SLC25A1: variants seen among roughly 807,000 people sequenced by gnomAD.
The protein encoded by SLC25A1 is tricarboxylate transport protein, mitochondrial.
A neutral mutation model predicts 38.1 loss-of-function variants in SLC25A1; 26 were observed. The ratio of observed to expected loss-of-function variants is 0.68; its 90% CI spans 0.50 to 0.95. The LOEUF (loss-of-function observed/expected upper bound fraction) is 0.95, where lower values mean the gene tolerates loss of function less well. SLC25A1 is among the 40% of genes least tolerant of loss of function. SLC25A1 has a pLI of 0.00. For missense variants in SLC25A1, 378 were observed against 426.6 expected (o/e 0.89, Z 1.00); for synonymous variants, 211 against 183.2 (o/e 1.15, Z -1.23).
chr22:19,178,304 C>G lies in SLC25A1; in HGVS notation c.95-64G>C. 2.0e-6 allele frequency: 3 copies of G among 1,531,502 alleles called. No homozygotes were observed. The highest frequency in any genetic ancestry group is 1.8e-6 in the Non-Finnish European group (2 of 1,139,224). The allele number at this position is 1,531,502 out of a possible 1,614,324, so 94.9% of individuals were successfully genotyped here. Reference sequence around the variant, plus strand: ...GGCCGCTGGCGCTCGGGCCCCTCCCCCGTCCCGGACTTCGGTCGGCGCGGC... The same window carrying G: ...GGCCGCTGGCGCTCGGGCCCCTCCCGCGTCCCGGACTTCGGTCGGCGCGGC... On this transcript the variant is annotated intron_variant, in intron 1 of 8. Transcript: ENST00000215882. The surrounding 1 kb of genome is among the most constrained non-coding windows in gnomAD (Gnocchi z 4.9).
Position 19,176,657 on chromosome 22 carries a change from G to C in SLC25A1, c.668C>G (p.Thr223Ser). 6.2e-7 allele frequency: 1 copy of C among 1,613,994 alleles called. No individual in the cohort carries two copies. Among genetic ancestry groups the C allele is most frequent in the Non-Finnish European group, 8.5e-7 (1 of 1,179,986 alleles). ...NPNKPMNPLI[T>S]GVFGAIAGAA... Reference sequence around the variant, plus strand: ...GCCTGCAATAGCTCCGAAGACCCCAGTGATCAGAGGGTTCATGGGCTTGTT... The same window carrying C: ...GCCTGCAATAGCTCCGAAGACCCCACTGATCAGAGGGTTCATGGGCTTGTT... Residue 223 changes from threonine to serine, a missense_variant, in exon 7 of 9, where the codon ACT becomes AGT. Physicochemically the swap from Thr to Ser is moderately conservative, Grantham distance 58. Transcript: ENST00000215882.
At position 19,178,124 on chromosome 22, in the gene SLC25A1, C is replaced by A; in HGVS notation, c.202+9G>T. On this transcript the variant is annotated intron_variant, in intron 2 of 8. Coordinates refer to ENST00000215882, the MANE Select transcript of SLC25A1 (RefSeq NM_005984.5). This position sits in a 1 kb window ranked among gnomAD's most constrained non-coding sequence, Gnocchi z 4.9. ...GCCCCCCGCGGCGCCGCGGCCTCCC[C>A]CTCCTCACCGATGCCCCGGTACCGC... 1 of 1,541,676 alleles carries A rather than the reference C, an allele frequency of 6.5e-7. No homozygotes were observed. Among genetic ancestry groups the A allele is most frequent in the East Asian group, 2.5e-5 (1 of 40,112 alleles).
At position 19,176,711 on chromosome 22, in the gene SLC25A1, G is replaced by A. The variant is rs2146143038; in HGVS notation, c.632-18C>T. The A allele has an allele frequency of 6.2e-7, 1 of 1,607,886 alleles. No homozygotes were observed. Among genetic ancestry groups the A allele is most frequent in the Non-Finnish European group, 8.5e-7 (1 of 1,174,520 alleles). On this transcript the variant is annotated intron_variant, in intron 6 of 8. Coordinates refer to ENST00000215882, the MANE Select transcript of SLC25A1 (RefSeq NM_005984.5). The stretch of plus-strand genomic sequence containing the variant: ...GTTGTCCCCTGGATATAGGAGGGGT[G>A]AGGTGGGTCAGAGGGTGCCGGGAGG...
Position 19,178,664 on chromosome 22 carries a change from G to A in SLC25A1, c.10C>T (p.Pro4Ser). The A allele has an allele frequency of 8.7e-7, 1 of 1,154,490 alleles. No homozygotes were observed. The highest frequency in any genetic ancestry group is 3.6e-4 in the Middle Eastern group (1 of 2,802). The allele number at this position is 1,154,490 out of a possible 1,614,324, so 71.5% of individuals were successfully genotyped here. The change falls in exon 1 of 9, where the codon CCC becomes TCC. Residue 4 changes from proline (P) to serine (S), a missense_variant. By Grantham distance (74) the Pro-to-Ser change is moderately conservative (BLOSUM62 -1). Transcript: ENST00000215882. The surrounding 1 kb of genome is among the most constrained non-coding windows in gnomAD (Gnocchi z 4.9). ...GCCGCCAGAGCGCGCGGGGCGCGGG[G>A]CGCGGGCATGGCGGGCGGGAGGCGG... MPA[P>S]RAPRALAAAA...
intron 4 of SLC25A1, 24 bp downstream of exon 4, chr22:19,177,703 G>T: frequency 6.2e-7 from 1 of 1,603,780 alleles, no homozygotes. Flanking sequence ...GCGTGTCCGG[G>T]GTCCTCGCCA....
Position 19,176,668 on chromosome 22 carries a change from G to C in SLC25A1, c.657C>G (p.Asn219Lys). 1.2e-6 allele frequency: 2 copies of C among 1,613,978 alleles called. No homozygotes were observed. Among genetic ancestry groups the C allele is most frequent in the Non-Finnish European group, 1.7e-6 (2 of 1,179,970 alleles). The change falls in exon 7 of 9, where the codon AAC becomes AAG. Residue 219 changes from asparagine to lysine, a missense_variant. By Grantham distance (94) the Asn-to-Lys change is moderately conservative. Coordinates refer to ENST00000215882, the MANE Select transcript of SLC25A1 (RefSeq NM_005984.5). The part of the protein sequence containing the change: ...YRGDNPNKPM[N>K]PLITGVFGAI... Reference sequence around the variant, plus strand: ...CTCCGAAGACCCCAGTGATCAGAGGGTTCATGGGCTTGTTGGGGTTGTCCC... The same window carrying C: ...CTCCGAAGACCCCAGTGATCAGAGGCTTCATGGGCTTGTTGGGGTTGTCCC...
chr22:19,177,728 T>A lies in SLC25A1; in HGVS notation c.440A>T (p.Lys147Met). The change falls in exon 4 of 9, where the codon AAG becomes ATG. Residue 147 changes from lysine to methionine, a missense_variant and splice_region_variant. Coordinates refer to ENST00000215882, the MANE Select transcript of SLC25A1 (RefSeq NM_005984.5). ...GGTCCTCGCCAGGACCTTCCCCACC[T>A]TGATGGTCTCCATGGGGCACACGAC... is the stretch of plus-strand genomic sequence containing the variant. ...VVVVCPMETI[K>M]VKFIHDQTSP... is the part of the protein sequence containing the mutation. The A allele has an allele frequency of 6.2e-7, 1 of 1,607,390 alleles. No homozygotes were observed. Among genetic ancestry groups the A allele is most frequent in the Non-Finnish European group, 8.5e-7 (1 of 1,179,456 alleles).
At chr22:19,177,449 CT>C (rs2083977988) in intron 4 of SLC25A1, among the ~76,000 whole-genome samples, 1 of 152,228 alleles carries the variant, frequency 6.6e-6, no homozygotes, top group African/African-American at 2.4e-5. Context: ...GTTTGCTGCT[CT>C]TTTCCAGTTT....
Position 19,176,857 on chromosome 22 carries a change from T to C in SLC25A1, c.620A>G (p.Asn207Ser). The C allele has an allele frequency of 6.2e-7, 1 of 1,613,690 alleles. No individual in the cohort carries two copies. Among genetic ancestry groups the C allele is most frequent in the Non-Finnish European group, 8.5e-7 (1 of 1,179,944 alleles). Residue 207 changes from asparagine (N) to serine (S), a missense_variant, in exon 6 of 9, where the codon AAC (asparagine) becomes AGC (serine). Coordinates refer to ENST00000215882, the MANE Select transcript of SLC25A1 (RefSeq NM_005984.5). ...TGATGCAGACACACCTCGGTACCAG[T>C]TGCGCAGGGAGGTCATGACGAAGAA... ...IRFFVMTSLR[N>S]WYRGDNPNKP...
chr22:19,175,830 G>A lies in SLC25A1; in HGVS notation c.*300C>T, dbSNP rs1332556550. 2 of 100,506 alleles carry A rather than the reference G, an allele frequency of 2.0e-5. No individual in the cohort carries two copies. Among genetic ancestry groups the A allele is most frequent in the South Asian group, 2.3e-4 (1 of 4,320 alleles). 6.2% of individuals were successfully genotyped at this position (100,506 alleles called of 1,614,324 possible). ...ACAGGGCCGAGGACCCAGGCCACAC[G>A]GGCACCCCGGGAGGCGGGGCACAGG... On this transcript the variant is annotated 3_prime_UTR_variant, in exon 9 of 9. Coordinates refer to ENST00000215882, the MANE Select transcript of SLC25A1 (RefSeq NM_005984.5).
Position 19,178,215 on chromosome 22 carries a change from G to A in SLC25A1, c.120C>T (p.Ile40=). 6.4e-7 allele frequency: 1 copy of A among 1,551,506 alleles called. No homozygotes were observed. The highest frequency in any genetic ancestry group is 8.7e-7 in the Non-Finnish European group (1 of 1,148,528). ...LAGGLAGGIE[I]CITFPTEYVK... ...CGTACTCGGTGGGGAAGGTGATGCAGATCTCGATGCCACCCGCCAGGCCGC... is the reference window on the plus strand; with the variant it reads ...CGTACTCGGTGGGGAAGGTGATGCAAATCTCGATGCCACCCGCCAGGCCGC... Residue 40 remains isoleucine (I), a synonymous_variant, in exon 2 of 9, where the codon ATC becomes ATT. Transcript: ENST00000215882. This position sits in a 1 kb window ranked among gnomAD's most constrained non-coding sequence, Gnocchi z 4.9.
At position 19,178,498 on chromosome 22, in the gene SLC25A1, C is replaced by A; in HGVS notation, c.94+82G>T. The A allele has an allele frequency of 7.6e-7, 1 of 1,323,734 alleles. No individual in the cohort carries two copies. Among genetic ancestry groups the A allele is most frequent in the Non-Finnish European group, 9.6e-7 (1 of 1,041,308 alleles). 82.0% of individuals were successfully genotyped at this position (1,323,734 alleles called of 1,614,324 possible). A position where few individuals can be genotyped will look rare whatever the true frequency, so the allele number is the denominator to read the frequency against. On this transcript the variant is annotated intron_variant, in intron 1 of 8. Coordinates refer to ENST00000215882, the MANE Select transcript of SLC25A1 (RefSeq NM_005984.5). This position sits in a 1 kb window ranked among gnomAD's most constrained non-coding sequence, Gnocchi z 4.9. ...ACGACTCCCCAGCCCACGGCCCAACCCGGAAGTGGGGCGGGGCCTCAGCGT... is the reference window on the plus strand; with the variant it reads ...ACGACTCCCCAGCCCACGGCCCAACACGGAAGTGGGGCGGGGCCTCAGCGT...
At position 19,178,320 on chromosome 22, in the gene SLC25A1, T is replaced by A. The variant is rs2084004521; in HGVS notation, c.95-80A>T. ...GCCCCTCCCCCGTCCCGGACTTCGG[T>A]CGGCGCGGCCGCCGCGCCAGTGCCG... On this transcript the variant is annotated intron_variant, in intron 1 of 8. Coordinates refer to ENST00000215882, the MANE Select transcript of SLC25A1 (RefSeq NM_005984.5). This position sits in a 1 kb window ranked among gnomAD's most constrained non-coding sequence, Gnocchi z 4.9. 6.6e-7 allele frequency: 1 copy of A among 1,523,800 alleles called. No individual in the cohort carries two copies. 94.4% of individuals were successfully genotyped at this position (1,523,800 alleles called of 1,614,324 possible). A position where few individuals can be genotyped will look rare whatever the true frequency, so the allele number is the denominator to read the frequency against.
In SLC25A1 at chr22:19,177,196, G is replaced by T; in HGVS notation, c.450C>A (p.Phe150Leu). Residue 150 changes from phenylalanine (F) to leucine (L), a missense_variant, in exon 5 of 9, where the codon TTC (phenylalanine) becomes TTA (leucine). Coordinates refer to ENST00000215882, the MANE Select transcript of SLC25A1 (RefSeq NM_005984.5). ...VCPMETIKVK[F>L]IHDQTSPNPK... Reference sequence around the variant, plus strand: ...GGTTTGGGGAGGTCTGGTCGTGGATGAACTTCACCTGAGAGAGAGAAGCAA... The same window carrying T: ...GGTTTGGGGAGGTCTGGTCGTGGATTAACTTCACCTGAGAGAGAGAAGCAA... The T allele has an allele frequency of 6.2e-7, 1 of 1,613,848 alleles. No homozygotes were observed. Among genetic ancestry groups the T allele is most frequent in the South Asian group, 1.1e-5 (1 of 91,078 alleles).
chr22:19,178,106 G>C lies in SLC25A1; in HGVS notation c.202+27C>G. 6.5e-7 allele frequency: 1 copy of C among 1,531,608 alleles called. No homozygotes were observed. The highest frequency in any genetic ancestry group is 8.8e-7 in the Non-Finnish European group (1 of 1,139,494). 94.9% of individuals were successfully genotyped at this position (1,531,608 alleles called of 1,614,324 possible). The stretch of plus-strand genomic sequence containing the variant: ...CCGCCGCCCTGGGTACCCGCCCCCC[G>C]CGGCGCCGCGGCCTCCCCCTCCTCA... On this transcript the variant is annotated intron_variant, in intron 2 of 8. Transcript: ENST00000215882. This position sits in a 1 kb window ranked among gnomAD's most constrained non-coding sequence, Gnocchi z 4.9.
rs1479910966 is a variant in SLC25A1 at position 19,177,927 on chromosome 22, C to T, written c.302+15G>A. 1 of 1,588,912 alleles carries T rather than the reference C, an allele frequency of 6.3e-7. No homozygotes were observed. The highest frequency in any genetic ancestry group is 8.5e-7 in the Non-Finnish European group (1 of 1,169,832). On this transcript the variant is annotated intron_variant, in intron 3 of 8. Coordinates refer to ENST00000215882, the MANE Select transcript of SLC25A1 (RefSeq NM_005984.5). ...CCGAGCCCCCCTCCCGCAGCAGCCA[C>T]CGGCCGGGCCTCACCTGACGGCCGC...
rs949938975 is a variant in SLC25A1, at chr22:19,178,429, G to A, written c.94+151C>T. The A allele has an allele frequency of 2.2e-6, 3 of 1,375,432 alleles. No homozygotes were observed. The highest frequency in any genetic ancestry group is 2.8e-6 in the Non-Finnish European group (3 of 1,070,876). 85.2% of individuals were successfully genotyped at this position (1,375,432 alleles called of 1,614,324 possible). On this transcript the variant is annotated intron_variant, in intron 1 of 8. Coordinates refer to ENST00000215882, the MANE Select transcript of SLC25A1 (RefSeq NM_005984.5). This position sits in a 1 kb window ranked among gnomAD's most constrained non-coding sequence, Gnocchi z 4.9. ...GCGCAGGGGGTGACAGACGGGAGGC[G>A]GGCGAGTCCCAGCGCGCCGGGTGGG...
rs1555922908 is a variant in SLC25A1, at chr22:19,177,730, G to T, written c.438C>A (p.Ile146=). ...TCCTCGCCAGGACCTTCCCCACCTTGATGGTCTCCATGGGGCACACGACCA... is the reference window on the plus strand; with the variant it reads ...TCCTCGCCAGGACCTTCCCCACCTTTATGGTCTCCATGGGGCACACGACCA... ...AVVVVCPMET[I]KVKFIHDQTS... The change falls in exon 4 of 9, where the codon ATC becomes ATA. Residue 146 remains isoleucine, a synonymous_variant. Coordinates refer to ENST00000215882, the MANE Select transcript of SLC25A1 (RefSeq NM_005984.5). The T allele has an allele frequency of 5.0e-6, 8 of 1,607,338 alleles. No individual in the cohort carries two copies. Among genetic ancestry groups the T allele is most frequent in the Non-Finnish European group, 6.8e-6 (8 of 1,179,476 alleles).
rs1555923227 is a variant in SLC25A1, at chr22:19,178,078, G to A, written c.203-37C>T. 1 of 1,544,948 alleles carries A rather than the reference G, an allele frequency of 6.5e-7. No individual in the cohort carries two copies. The highest frequency in any genetic ancestry group is 8.7e-7 in the Non-Finnish European group (1 of 1,146,986). ...GGCGGTCAGGACCCCACGGCCCTCG[G>A]TGCCGCCGCCCTGGGTACCCGCCCC... On this transcript the variant is annotated intron_variant, in intron 2 of 8. Transcript: ENST00000215882. The surrounding 1 kb of genome is among the most constrained non-coding windows in gnomAD (Gnocchi z 4.9).
Sources: gnomAD v4.1 joint callset for allele counts (sites outside exome capture counted in the v4.1 genomes callset) on GRCh38, gnomAD v4.1.1 for gene constraint, Gnocchi (gnomAD v3.1) non-coding constraint, MANE v1.5 for transcripts, NCBI Gene and HGNC (gene_info 2026-07-23, HGNC 2026-07-21) for gene names.